CLVS2: variants seen among roughly 807,000 people sequenced by gnomAD.
CLVS2 encodes the protein clavesin-2.
In CLVS2, 19 loss-of-function variants were observed where a neutral mutation model predicts 29.0. That is an observed-to-expected ratio of 0.66 (90% CI 0.46 to 0.96). The LOEUF (loss-of-function observed/expected upper bound fraction) is 0.96. CLVS2 is among the 40% of genes least tolerant of loss of function. The probability of loss-of-function intolerance (pLI) is 0.00; values close to 1 mark genes in which losing one functional copy is unlikely to be tolerated. For synonymous variants in CLVS2, 161 were observed against 151.3 expected (o/e 1.06, Z -0.47); for missense variants, 294 against 404.1 (o/e 0.73, Z 2.34).
At chr6:123,016,462 A>G (rs944220974) in intron 3 of CLVS2, among the ~76,000 whole-genome samples, 1 of 151,924 alleles carries the variant, frequency 6.6e-6, no homozygotes, top group South Asian at 2.1e-4. Flanking sequence ...TTTTTAGCTT[A>G]TCCTAGCCCT....
At chr6:123,049,804 T>TGGGGAGGG (rs1772575980) in intron 4 of CLVS2, among the ~76,000 whole-genome samples, 1 of 118,918 alleles carries the variant, frequency 8.4e-6, no homozygotes, top group Non-Finnish European at 1.8e-5. Context: ...TGTTGTGGGA[T>TGGGGAGGG]GGGGGGCGGG....
At chr6:123,008,791 G>T (rs1774707728) in intron 2 of CLVS2, among the ~76,000 whole-genome samples, 1 of 151,842 alleles carries the variant, frequency 6.6e-6, no homozygotes, top group Non-Finnish European at 1.5e-5. Flanking sequence ...AGTGTGTCAG[G>T]CCATTATGTT....
intron 3 of CLVS2, 23 bp from the exon 4 acceptor site, chr6:123,048,599 T>G: frequency 6.6e-7 from 1 of 1,526,176 alleles, no homozygotes; most frequent in Non-Finnish European, 9.1e-7. Context: ...ATTTTGATTG[T>G]TTTTTTCTCC....
At position 122,997,694 on chromosome 6, in the gene CLVS2, G is replaced by C; in HGVS notation, c.-84G>C. ...GCAGGCAGCAGGAGGTCTGGGGGCT[G>C]GAGTCTGGTGGTGGCAAGGACCAGG... On this transcript the variant is annotated 5_prime_UTR_variant, in exon 2 of 6. Transcript: ENST00000275162. 2.9e-6 allele frequency: 4 copies of C among 1,381,128 alleles called. No homozygotes were observed. Among genetic ancestry groups the C allele is most frequent in the Non-Finnish European group, 4.0e-6 (4 of 996,604 alleles). The allele number at this position is 1,381,128 out of a possible 1,614,324, so 85.6% of individuals were successfully genotyped here.
chr6:123,042,542 T>A (rs886637851), intron 3 of CLVS2, among the ~76,000 whole-genome samples: 20 of 152,328 alleles, frequency 1.3e-4, no homozygotes, highest in African/African-American at 4.1e-4. Context: ...TATCTCTGTA[T>A]GAAGGATGAA....
intron 5 of CLVS2, among the ~76,000 whole-genome samples, chr6:123,058,311 G>A (rs796291149): frequency 6.6e-6 from 1 of 152,138 alleles, no homozygotes; most frequent in African/African-American, 2.4e-5. Flanking sequence ...GTGGCACAGA[G>A]GCCCTTTCTC....
Position 123,031,139 on chromosome 6 carries a change from T to G in CLVS2, c.565-17483T>G, listed in dbSNP as rs140802664. ...TGTGCACCACCATGCCTGGCTAATTTTTTGTATTTTTTGTAAAGACAGGGT... is the reference window on the plus strand; with the variant it reads ...TGTGCACCACCATGCCTGGCTAATTGTTTGTATTTTTTGTAAAGACAGGGT... On this transcript the variant is annotated intron_variant, in intron 3 of 5. Coordinates refer to ENST00000275162, the MANE Select transcript of CLVS2 (RefSeq NM_001010852.4). Among the ~76,000 whole-genome samples, 3 of 152,114 alleles carry G rather than the reference T, an allele frequency of 2.0e-5. No individual in the cohort carries two copies. In the East Asian group the frequency reaches 5.8e-4, roughly 30 times the overall value.
At position 123,055,882 on chromosome 6, in the gene CLVS2, G is replaced by A; in HGVS notation, c.752G>A (p.Gly251Glu). The A allele has an allele frequency of 6.2e-7, 1 of 1,614,010 alleles. No homozygotes were observed. Among genetic ancestry groups the A allele is most frequent in the Non-Finnish European group, 8.5e-7 (1 of 1,179,960 alleles). Residue 251 changes from glycine (G) to glutamate (E), a missense_variant, in exon 5 of 6, where the codon GGA (glycine) becomes GAA (glutamate). This residue lies in a region of CLVS2 where 212 missense variants were observed against 336.4 expected (regional missense o/e 0.63). Coordinates refer to ENST00000275162, the MANE Select transcript of CLVS2 (RefSeq NM_001010852.4). ...GAGATCCTGCCCTCTGAGTTTGGAG[G>A]AATGCTGCCTCCTTATGACATGGGG... ...HPEILPSEFGGMLPPYDMGTW... is the reference protein window; with the variant it reads ...HPEILPSEFGEMLPPYDMGTW...
intron 3 of CLVS2, among the ~76,000 whole-genome samples, chr6:123,045,711 T>C (rs1456745998): frequency 6.6e-6 from 1 of 152,150 alleles, no homozygotes; most frequent in African/African-American, 2.4e-5. Context: ...ACCTACAGAA[T>C]ATGTAACCTC....
At position 123,067,667 on chromosome 6, in the gene CLVS2, CA is replaced by C. The variant is rs1221932221; in HGVS notation, c.*3907del. 2 of 151,668 alleles carry C rather than the reference CA, an allele frequency of 1.3e-5. No homozygotes were observed. Among genetic ancestry groups the C allele is most frequent in the African/African-American group, 4.8e-5 (2 of 41,368 alleles). 9.4% of individuals were successfully genotyped at this position (151,668 alleles called of 1,614,324 possible). A position where few individuals can be genotyped will look rare whatever the true frequency, so the allele number is the denominator to read the frequency against. ...TTTTTTACAACAATAAGCTCATAGG[CA>C]TATATTCCATTGTAGATCTGCTATA... On this transcript the variant is annotated 3_prime_UTR_variant, in exon 6 of 6. Transcript: ENST00000275162.
rs1394514776 is a variant in CLVS2 at position 122,997,724 on chromosome 6, C to T, written c.-54C>T. 6.3e-7 allele frequency: 1 copy of T among 1,579,692 alleles called. No individual in the cohort carries two copies. Among genetic ancestry groups the T allele is most frequent in the Non-Finnish European group, 8.6e-7 (1 of 1,161,934 alleles). On this transcript the variant is annotated 5_prime_UTR_variant, in exon 2 of 6. Coordinates refer to ENST00000275162, the MANE Select transcript of CLVS2 (RefSeq NM_001010852.4). ...CTGGTGGTGGCAAGGACCAGGTTTG[C>T]TTTGGGACAGTCAACAAGGTCTTCT...
rs1772900528 is a variant in CLVS2, at chr6:123,068,934, C to T, written c.*5173C>T. On this transcript the variant is annotated 3_prime_UTR_variant, in exon 6 of 6. Transcript: ENST00000275162. ...ATTGTTAATGTTAAATTTGGTAGTC[C>T]TGGATCTGCTGCATCTATAAAATGG... 6.6e-6 allele frequency: 1 copy of T among 151,240 alleles called. No individual in the cohort carries two copies. The highest frequency in any genetic ancestry group is 1.5e-5 in the Non-Finnish European group (1 of 67,650). The allele number at this position is 151,240 out of a possible 1,614,324, so 9.4% of individuals were successfully genotyped here.
intron 2 of CLVS2, among the ~76,000 whole-genome samples, chr6:123,002,279 C>T (rs1220265922): frequency 6.6e-6 from 1 of 152,154 alleles, no homozygotes; most frequent in Non-Finnish European, 1.5e-5. Flanking sequence ...CTGGAAGGGG[C>T]AGAAAACTGA....
intron 3 of CLVS2, among the ~76,000 whole-genome samples, chr6:123,029,148 T>A (rs1366844239): frequency 6.6e-6 from 1 of 152,202 alleles, no homozygotes; most frequent in East Asian, 1.9e-4. Flanking sequence ...TAAACAAATG[T>A]TGTTTAAACG....
intron 3 of CLVS2, among the ~76,000 whole-genome samples, chr6:123,019,468 T>C (rs1774891087): frequency 6.6e-6 from 1 of 152,028 alleles, no homozygotes; most frequent in African/African-American, 2.4e-5. Context: ...TCTCTGTACC[T>C]GACTAGCTTT....
intron 3 of CLVS2, among the ~76,000 whole-genome samples, chr6:123,041,156 T>C (rs930615828): frequency 6.6e-6 from 1 of 152,092 alleles, no homozygotes; most frequent in Non-Finnish European, 1.5e-5. Flanking sequence ...ACAGGTTGCA[T>C]AAAGAAAAAC....
At chr6:123,016,829 C>G (rs925251212) in intron 3 of CLVS2, among the ~76,000 whole-genome samples, 1 of 152,122 alleles carries the variant, frequency 6.6e-6, no homozygotes, top group Non-Finnish European at 1.5e-5. Flanking sequence ...GGCCACCAAT[C>G]TGCTAGCTCT....
rs1182361760 is a variant in CLVS2, at chr6:123,069,430, C to T, written c.*5669C>T. On this transcript the variant is annotated 3_prime_UTR_variant, in exon 6 of 6. Coordinates refer to ENST00000275162, the MANE Select transcript of CLVS2 (RefSeq NM_001010852.4). ...ATGTATTTGTGTCTTCTGTGAGTTT[C>T]CCTCATTTATCCTATCTGTGGATGA... The T allele has an allele frequency of 6.6e-6, 1 of 151,736 alleles. No homozygotes were observed. The highest frequency in any genetic ancestry group is 1.5e-5 in the Non-Finnish European group (1 of 67,846). 9.4% of individuals were successfully genotyped at this position (151,736 alleles called of 1,614,324 possible).
intron 3 of CLVS2, among the ~76,000 whole-genome samples, chr6:123,047,470 G>A (rs746396598): frequency 2.6e-5 from 4 of 152,064 alleles, no homozygotes; most frequent in East Asian, 1.9e-4. Flanking sequence ...AAGTTGCTTC[G>A]CAAAATGAAA....
Sources: gnomAD v4.1 joint callset for allele counts (sites outside exome capture counted in the v4.1 genomes callset) on GRCh38, gnomAD v4.1.1 for gene constraint, gnomAD v4.1.1 regional missense constraint, MANE v1.5 for transcripts, NCBI Gene and HGNC (gene_info 2026-07-23, HGNC 2026-07-21) for gene names.